SULT2B1: variants seen among roughly 807,000 people sequenced by gnomAD.
SULT2B1 encodes sulfotransferase 2B1.
SULT2B1 carries 16 observed loss-of-function variants against 33.2 expected under a neutral mutation model. The observed-to-expected ratio is 0.48, with a 90% CI of 0.33 to 0.73. SULT2B1 has a LOEUF of 0.73. Ranked by LOEUF, SULT2B1 falls within the 30% of genes least tolerant of loss-of-function variation. The probability of loss-of-function intolerance (pLI) is 0.02; values close to 1 mark genes in which losing one functional copy is unlikely to be tolerated. For synonymous variants in SULT2B1, 186 were observed against 200.5 expected (o/e 0.93, Z 0.61); for missense variants, 500 against 506.0 (o/e 0.99, Z 0.11).
At chr19:48,597,480 G>T (rs12979991) in intron 6 of SULT2B1, among the ~76,000 whole-genome samples, 1 of 149,720 alleles carries the variant, frequency 6.7e-6, no homozygotes, top group Non-Finnish European at 1.5e-5. Flanking sequence ...AAGTAGCTGA[G>T]ACTACAGGCA....
chr19:48,595,371 T>A (rs1448286261), intron 5 of SULT2B1, among the ~76,000 whole-genome samples: 2 of 152,088 alleles, frequency 1.3e-5, no homozygotes, highest in Admixed American at 1.3e-4. Flanking sequence ...GACAAGTGTC[T>A]CTCCCTCTCT....
chr19:48,561,671 G>C (rs919952130), intron 1 of SULT2B1, among the ~76,000 whole-genome samples: 3 of 152,116 alleles, frequency 2.0e-5, no homozygotes, highest in Non-Finnish European at 4.4e-5. Context: ...TGGCAGCCCA[G>C]CTACAGTGGG....
chr19:48,555,356 T>C (rs1289401537), intron 1 of SULT2B1, among the ~76,000 whole-genome samples: 1 of 152,188 alleles, frequency 6.6e-6, no homozygotes, highest in East Asian at 1.9e-4. Context: ...TCTCCCAAAG[T>C]GCAGGGCTTA....
At chr19:48,559,924 CA>C in intron 1 of SULT2B1, among the ~76,000 whole-genome samples, 1 of 150,494 alleles carries the variant, frequency 6.6e-6, no homozygotes, top group Admixed American at 6.6e-5. Flanking sequence ...AGTTCAAGAC[CA>C]GCCTGGGCAA....
chr19:48,558,679 C>T (rs969567249), intron 1 of SULT2B1, among the ~76,000 whole-genome samples: 5 of 106,178 alleles, frequency 4.7e-5, no homozygotes, highest in South Asian at 2.9e-4. Flanking sequence ...CTTTTCTTTT[C>T]TTTTTTTTTT....
At chr19:48,563,035 C>T (rs9789261) in intron 1 of SULT2B1, among the ~76,000 whole-genome samples, 5 of 151,758 alleles carry the variant, frequency 3.3e-5, no homozygotes, top group African/African-American at 4.8e-5. Flanking sequence ...AAAAGTTAAG[C>T]GGGAACTTTC....
Position 48,596,928 on chromosome 19 carries a change from G to A in SULT2B1, c.826+9G>A, listed in dbSNP as rs754005949. Reference sequence around the variant, plus strand: ...GGCCTTCCTCCGGAAAGGTGCGGGGGTTCTGGGGTTCAGAGCCCACTAGGC... The same window carrying A: ...GGCCTTCCTCCGGAAAGGTGCGGGGATTCTGGGGTTCAGAGCCCACTAGGC... On this transcript the variant is annotated intron_variant, in intron 6 of 6. Coordinates refer to ENST00000201586, the MANE Select transcript of SULT2B1 (RefSeq NM_177973.2). 2 of 1,572,352 alleles carry A rather than the reference G, an allele frequency of 1.3e-6. No homozygotes were observed. Among genetic ancestry groups the A allele is most frequent in the African/African-American group, 1.3e-5 (1 of 74,538 alleles).
At chr19:48,567,442 A>C (rs1973260685) in intron 1 of SULT2B1, among the ~76,000 whole-genome samples, 1 of 151,982 alleles carries the variant, frequency 6.6e-6, no homozygotes, top group East Asian at 1.9e-4. Flanking sequence ...CACGCCTGTA[A>C]TCTCAGCTAC....
chr19:48,594,577 G>A (rs549803035), intron 5 of SULT2B1, among the ~76,000 whole-genome samples: 2 of 152,280 alleles, frequency 1.3e-5, no homozygotes, highest in African/African-American at 4.8e-5. Context: ...GTGAGGCGCC[G>A]CCCACATGTT....
At chr19:48,587,662 C>T (rs374715473) in intron 3 of SULT2B1, among the ~76,000 whole-genome samples, 4 of 151,698 alleles carry the variant, frequency 2.6e-5, no homozygotes, top group African/African-American at 7.3e-5. Flanking sequence ...GAGGCTGAGG[C>T]GGGAGGATCA....
intron 5 of SULT2B1, among the ~76,000 whole-genome samples, chr19:48,593,712 G>T (rs900724583): frequency 6.7e-6 from 1 of 149,732 alleles, no homozygotes; most frequent in Non-Finnish European, 1.5e-5. Context: ...TCGGCTCACC[G>T]CAACCTCCAA....
At chr19:48,597,016 AG>A in intron 6 of SULT2B1, 97 bp downstream of exon 6, 1 of 1,306,854 alleles carries the variant, frequency 7.7e-7, no homozygotes, top group Non-Finnish European at 1.0e-6. Flanking sequence ...TTTCTCACCC[AG>A]CTGTAACATT....
At chr19:48,569,299 G>A (rs12981760) in intron 1 of SULT2B1, among the ~76,000 whole-genome samples, 11 of 144,760 alleles carry the variant, frequency 7.6e-5, no homozygotes, top group African/African-American at 2.3e-4. Context: ...CCAAGATCGC[G>A]CCACTGCACT....
At chr19:48,592,679 C>T (rs754737710) in intron 4 of SULT2B1, 43 bp from the exon 5 acceptor site, 2 of 1,526,094 alleles carry the variant, frequency 1.3e-6, no homozygotes, top group Non-Finnish European at 1.8e-6. Flanking sequence ...GCTGGGGGAA[C>T]CCCGCCACTC....
At chr19:48,585,943 G>A (rs771328201) in intron 2 of SULT2B1, among the ~76,000 whole-genome samples, 78 of 152,134 alleles carry the variant, frequency 5.1e-4, no homozygotes, top group Non-Finnish European at 7.6e-4. Flanking sequence ...AGGAGTGCCT[G>A]CTGGGCATGA....
At chr19:48,561,186 T>C (rs1208083652) in intron 1 of SULT2B1, among the ~76,000 whole-genome samples, 1 of 151,732 alleles carries the variant, frequency 6.6e-6, no homozygotes, top group Non-Finnish European at 1.5e-5. Context: ...TCCCAGCATT[T>C]TGGGAGGCCG....
intron 1 of SULT2B1, among the ~76,000 whole-genome samples, chr19:48,574,195 A>G (rs2665579): frequency 0.83 from 126,571 of 152,174 alleles, 52,889 homozygotes; most frequent in African/African-American, 0.88. Context: ...ACAGCACCCA[A>G]GGCTGAGAAC....
intron 5 of SULT2B1, 200 bp from the exon 6 acceptor site, chr19:48,596,539 A>C: frequency 1.8e-6 from 1 of 566,742 alleles, no homozygotes; most frequent in Non-Finnish European, 3.1e-6. Flanking sequence ...CACCTAGAGA[A>C]CCCTCCAAAG....
At chr19:48,553,177 CA>C (rs1277780395) in intron 1 of SULT2B1, among the ~76,000 whole-genome samples, 1 of 152,170 alleles carries the variant, frequency 6.6e-6, no homozygotes, top group Non-Finnish European at 1.5e-5. Flanking sequence ...AGACAATCTC[CA>C]ACCCCTCGTA....
Sources: allele counts gnomAD v4.1 joint callset (sites outside exome capture counted in the v4.1 genomes callset), GRCh38; gene constraint gnomAD v4.1.1; transcripts MANE v1.5; gene names NCBI Gene and HGNC (gene_info 2026-07-23, HGNC 2026-07-21).